TRAF3IP2: variants seen among roughly 807,000 people sequenced by gnomAD.
TRAF3IP2 encodes the protein E3 ubiquitin ligase TRAF3IP2.
In TRAF3IP2, 35 loss-of-function variants were observed where a neutral mutation model predicts 57.9. The ratio of observed to expected loss-of-function variants is 0.60; its 90% CI spans 0.46 to 0.80. The LOEUF (loss-of-function observed/expected upper bound fraction) is 0.80. Ranked by LOEUF, TRAF3IP2 falls within the 30% of genes least tolerant of loss-of-function variation. The pLI, the probability that TRAF3IP2 is intolerant of heterozygous loss-of-function variation, is 0.00. For missense variants in TRAF3IP2, 556 were observed against 706.4 expected, an observed-to-expected ratio of 0.79 and a Z score of 2.41; for synonymous variants, 251 against 268.9, an observed-to-expected ratio of 0.93 and a Z score of 0.65.
At chr6:111,575,501 T>C (rs1795951232) in intron 4 of TRAF3IP2, 142 bp downstream of exon 4, 1 of 866,492 alleles carries the variant, frequency 1.2e-6, no homozygotes, top group Non-Finnish European at 1.7e-6. Context: ...GGCAGGAGAA[T>C]GGGGTGAACC....
chr6:111,601,041 AT>A (rs1796844457), intron 1 of TRAF3IP2: 1 of 547,878 alleles, frequency 1.8e-6, no homozygotes, highest in African/African-American at 1.9e-5. Flanking sequence ...TGTGATTCAA[AT>A]ATAAGCGGTT....
intron 8 of TRAF3IP2, among the ~76,000 whole-genome samples, chr6:111,561,307 G>T (rs1292308663): frequency 6.6e-6 from 1 of 152,012 alleles, no homozygotes; most frequent in African/African-American, 2.4e-5. Context: ...GGGCATAGTA[G>T]CACATGCCTG....
intron 2 of TRAF3IP2, among the ~76,000 whole-genome samples, chr6:111,589,469 A>T (rs1796441484): frequency 6.6e-6 from 1 of 152,234 alleles, no homozygotes; most frequent in Admixed American, 6.5e-5. Flanking sequence ...TGAGAAATAC[A>T]GCCTTGACCT....
At chr6:111,573,611 A>G (rs1018233472) in intron 4 of TRAF3IP2, 3 of 152,726 alleles carry the variant, frequency 2.0e-5, no homozygotes, top group African/African-American at 7.2e-5. Flanking sequence ...AAGAAGAGAC[A>G]CTGCCTCTGG....
At chr6:111,564,753 A>C (rs576407029) in intron 7 of TRAF3IP2, among the ~76,000 whole-genome samples, 2 of 152,300 alleles carry the variant, frequency 1.3e-5, no homozygotes, top group South Asian at 4.1e-4. Flanking sequence ...CAGTCAGACA[A>C]GCTCTGAGGC....
intron 1 of TRAF3IP2, among the ~76,000 whole-genome samples, chr6:111,599,407 G>A (rs1369714158): frequency 6.6e-6 from 1 of 152,108 alleles, no homozygotes; most frequent in Admixed American, 6.5e-5. Context: ...GCCTAGTTTT[G>A]CGAATAATGT....
chr6:111,580,635 G>T (rs13196377), intron 2 of TRAF3IP2, among the ~76,000 whole-genome samples: 8 of 151,986 alleles, frequency 5.3e-5, no homozygotes, highest in Non-Finnish European at 1.0e-4. Flanking sequence ...TCCAGCTGGA[G>T]AGCTCAAAAA....
intron 1 of TRAF3IP2, among the ~76,000 whole-genome samples, chr6:111,599,066 ATTTTTTTT>A (rs1017585005): frequency 3.1e-5 from 4 of 129,058 alleles, no homozygotes; most frequent in East Asian, 2.1e-4. Context: ...CACCTGGTTA[ATTTTTTTT>A]TTTTTTTTTT....
At chr6:111,577,945 T>A (rs1383073005) in intron 3 of TRAF3IP2, among the ~76,000 whole-genome samples, 1 of 150,844 alleles carries the variant, frequency 6.6e-6, no homozygotes, top group Non-Finnish European at 1.5e-5. Context: ...ATTCCTGGGC[T>A]CAAACAATCC....
At chr6:111,600,427 A>G (rs1318044988) in intron 1 of TRAF3IP2, 2 of 152,254 alleles carry the variant, frequency 1.3e-5, no homozygotes, top group Admixed American at 1.3e-4. Flanking sequence ...CCTGTTTTAC[A>G]GAGGCTTAGA....
chr6:111,572,306 G>T (rs763348772), intron 5 of TRAF3IP2, among the ~76,000 whole-genome samples: 92 of 152,292 alleles, frequency 6.0e-4, no homozygotes, highest in Non-Finnish European at 1.2e-3. Context: ...GGCTTGCAGG[G>T]CTGGGTGAGG....
chr6:111,574,331 A>G (rs999813316), intron 4 of TRAF3IP2, among the ~76,000 whole-genome samples: 3 of 152,252 alleles, frequency 2.0e-5, no homozygotes, highest in Non-Finnish European at 4.4e-5. Context: ...TGGAAAATGC[A>G]TATTAGAATT....
chr6:111,582,326 C>T (rs1437657425), intron 2 of TRAF3IP2, among the ~76,000 whole-genome samples: 1 of 152,194 alleles, frequency 6.6e-6, no homozygotes, highest in East Asian at 1.9e-4. Flanking sequence ...TGGCAGGACC[C>T]CATGACCCTT....
intron 7 of TRAF3IP2, among the ~76,000 whole-genome samples, chr6:111,564,893 A>G (rs1795577401): frequency 6.6e-6 from 1 of 152,158 alleles, no homozygotes; most frequent in African/African-American, 2.4e-5. Context: ...AGGTTCCTAG[A>G]GATGCAGACA....
chr6:111,572,458 T>A (rs1055952721), intron 5 of TRAF3IP2, among the ~76,000 whole-genome samples: 1 of 152,208 alleles, frequency 6.6e-6, no homozygotes, highest in Non-Finnish European at 1.5e-5. Flanking sequence ...TCAAACCTCA[T>A]AACCCAGTGC....
intron 2 of TRAF3IP2, among the ~76,000 whole-genome samples, chr6:111,586,556 G>T (rs1796344067): frequency 6.6e-6 from 1 of 151,880 alleles, no homozygotes; most frequent in Non-Finnish European, 1.5e-5. Flanking sequence ...TTACATGAAA[G>T]GGGCGACCAA....
chr6:111,568,579 G>A (rs779272239), intron 5 of TRAF3IP2, among the ~76,000 whole-genome samples: 26 of 152,078 alleles, frequency 1.7e-4, no homozygotes, highest in Non-Finnish European at 2.9e-4. Flanking sequence ...TCCCTGGGGA[G>A]GGGTTACGTG....
intron 8 of TRAF3IP2, among the ~76,000 whole-genome samples, chr6:111,562,569 C>T (rs1222969410): frequency 6.6e-6 from 1 of 152,154 alleles, no homozygotes; most frequent in African/African-American, 2.4e-5. Flanking sequence ...TGATGGCAGA[C>T]ATGGTGGTTC....
rs767833006 is a variant in TRAF3IP2, at chr6:111,572,988, G to C, written c.1202-5C>G. 2 of 1,609,496 alleles carry C rather than the reference G, an allele frequency of 1.2e-6. No homozygotes were observed. The highest frequency in any genetic ancestry group is 1.3e-5 in the African/African-American group (1 of 74,790). On this transcript the variant is annotated splice_region_variant and splice_polypyrimidine_tract_variant and intron_variant, in intron 4 of 8. Coordinates refer to ENST00000368761, the MANE Select transcript of TRAF3IP2 (RefSeq NM_147686.4). Reference sequence around the variant, plus strand: ...AATAAGTGATAAAGACTTTCCCTAAGAGAAAATTTTTACATTTATTAGAAA... The same window carrying C: ...AATAAGTGATAAAGACTTTCCCTAACAGAAAATTTTTACATTTATTAGAAA...
Sources: allele counts gnomAD v4.1 joint callset (sites outside exome capture counted in the v4.1 genomes callset), GRCh38; gene constraint gnomAD v4.1.1; transcripts MANE v1.5; gene names NCBI Gene and HGNC (gene_info 2026-07-23, HGNC 2026-07-21).